OXCT1: variants seen among roughly 807,000 people sequenced by gnomAD.
The protein encoded by OXCT1 is succinyl-CoA:3-ketoacid coenzyme A transferase 1, mitochondrial.
A neutral mutation model predicts 69.6 loss-of-function variants in OXCT1; 27 were observed. The observed-to-expected ratio is 0.39, with a 90% CI of 0.29 to 0.54. The LOEUF (loss-of-function observed/expected upper bound fraction) is 0.54. Among genes scored for constraint, OXCT1 ranks in the 20% least tolerant of loss-of-function variants. OXCT1 has a pLI of 0.72. For missense variants in OXCT1, 437 were observed against 650.2 expected (o/e 0.67, Z 3.57); for synonymous variants, 202 against 217.8 (o/e 0.93, Z 0.64).
chr5:41,760,441 A>G (rs539730797), intron 14 of OXCT1, among the ~76,000 whole-genome samples: 1 of 152,116 alleles, frequency 6.6e-6, no homozygotes, highest in Non-Finnish European at 1.5e-5. Context: ...CTTTAATAAG[A>G]TATTTCTAGT....
chr5:41,757,524 C>G (rs28588578), intron 14 of OXCT1, among the ~76,000 whole-genome samples: 1,753 of 152,132 alleles, frequency 0.012, 39 homozygotes, highest in African/African-American at 0.04. Context: ...TTCCTCAGAG[C>G]CTATGATAGT....
At chr5:41,869,472 A>C (rs1750172818) in intron 1 of OXCT1, among the ~76,000 whole-genome samples, 1 of 152,112 alleles carries the variant, frequency 6.6e-6, no homozygotes, top group Non-Finnish European at 1.5e-5. Flanking sequence ...GCAAAACCAC[A>C]AGTCAGTCCA....
In OXCT1 at chr5:41,826,814, C is replaced by T. The variant is rs182025291; in HGVS notation, c.732+13637G>A. Among the ~76,000 whole-genome samples the T allele has an allele frequency of 9.9e-5, 15 of 152,236 alleles. No homozygotes were observed. In the East Asian group the frequency reaches 1.9e-3, roughly 20 times the overall value. On this transcript the variant is annotated intron_variant, in intron 7 of 16. Transcript: ENST00000196371. Reference sequence around the variant, plus strand: ...ACAATAATATATCCATCTGCACCTGCGTCACCACCATTTGAATGCCTAAGA... The same window carrying T: ...ACAATAATATATCCATCTGCACCTGTGTCACCACCATTTGAATGCCTAAGA...
intron 7 of OXCT1, among the ~76,000 whole-genome samples, chr5:41,837,251 C>G (rs1342409432): frequency 2.0e-5 from 3 of 151,490 alleles, no homozygotes; most frequent in Non-Finnish European, 4.4e-5. Context: ...AAGCTCTAAT[C>G]CAGATTCCAC....
rs1431593951 is a variant in OXCT1 at position 41,801,011 on chromosome 5, A to C, written c.1099+11T>G. ...ATAGCAAAGGGAAGGGCTAGAAATA[A>C]GTGAGCTTACCTGCATTGATGAGAT... On this transcript the variant is annotated intron_variant, in intron 11 of 16. Coordinates refer to ENST00000196371, the MANE Select transcript of OXCT1 (RefSeq NM_000436.4). The C allele has an allele frequency of 6.2e-7, 1 of 1,609,896 alleles. No individual in the cohort carries two copies. The highest frequency in any genetic ancestry group is 1.3e-5 in the African/African-American group (1 of 74,808).
intron 14 of OXCT1, among the ~76,000 whole-genome samples, chr5:41,756,361 C>T (rs1744073515): frequency 6.6e-6 from 1 of 151,972 alleles, no homozygotes; most frequent in Admixed American, 6.6e-5. Flanking sequence ...ATGGTGCTTG[C>T]CAGCAGAAAA....
chr5:41,844,406 C>A (rs182392838), intron 5 of OXCT1, among the ~76,000 whole-genome samples: 67 of 152,168 alleles, frequency 4.4e-4, no homozygotes, highest in Non-Finnish European at 7.9e-4. Context: ...TTGATCATTC[C>A]CTTCTTTTTA....
intron 7 of OXCT1, 42 bp from the exon 8 acceptor site, chr5:41,807,480 A>G (rs762847329): frequency 1.8e-6 from 2 of 1,141,688 alleles, no homozygotes; most frequent in Non-Finnish European, 2.7e-6. Flanking sequence ...TGAAAGCTTA[A>G]AGTGAACATT....
Position 41,731,276 on chromosome 5 carries a change from C to T in OXCT1, c.*453G>A, listed in dbSNP as rs954733197. The T allele has an allele frequency of 1.8e-5, 11 of 604,276 alleles. No homozygotes were observed. The African/African-American group carries it at 2.0e-4, about 11-fold the overall frequency. 37.4% of individuals were successfully genotyped at this position (604,276 alleles called of 1,614,324 possible). On this transcript the variant is annotated 3_prime_UTR_variant, in exon 17 of 17. Transcript: ENST00000196371. ...AGATGTAATCATAAAATCTGAAGCC[C>T]CAAAAGAAAAGTCAGAGGAGGCTGA...
intron 7 of OXCT1, among the ~76,000 whole-genome samples, chr5:41,823,972 G>C (rs150079520): frequency 6.6e-6 from 1 of 152,234 alleles, no homozygotes; most frequent in East Asian, 1.9e-4. Flanking sequence ...GCTACACTAA[G>C]TTAACTGAAA....
intron 14 of OXCT1, among the ~76,000 whole-genome samples, chr5:41,752,460 A>C (rs891095589): frequency 6.6e-6 from 1 of 152,098 alleles, no homozygotes; most frequent in Non-Finnish European, 1.5e-5. Context: ...CATAGCATTA[A>C]AAATGCTTTG....
intron 14 of OXCT1, among the ~76,000 whole-genome samples, chr5:41,759,091 A>G (rs77193286): frequency 1.1e-5 from 1 of 88,364 alleles, no homozygotes; most frequent in East Asian, 2.1e-4. Context: ...AGGGAAAATG[A>G]AAAAAAAAAA....
intron 13 of OXCT1, among the ~76,000 whole-genome samples, chr5:41,775,930 A>G (rs1745100845): frequency 6.6e-6 from 1 of 152,104 alleles, no homozygotes; most frequent in African/African-American, 2.4e-5. Context: ...CCCCCTCCAG[A>G]TCTTTGAGGG....
At chr5:41,822,145 A>G (rs964787705) in intron 7 of OXCT1, among the ~76,000 whole-genome samples, 3 of 152,186 alleles carry the variant, frequency 2.0e-5, no homozygotes, top group Admixed American at 6.5e-5. Context: ...CGCAGGTGAC[A>G]CGGATCTAGT....
At chr5:41,758,839 A>T (rs955164857) in intron 14 of OXCT1, among the ~76,000 whole-genome samples, 1 of 152,050 alleles carries the variant, frequency 6.6e-6, no homozygotes. Flanking sequence ...AATTACATAC[A>T]TCATAAATAC....
intron 13 of OXCT1, among the ~76,000 whole-genome samples, chr5:41,774,751 C>A (rs986569789): frequency 2.6e-5 from 4 of 151,958 alleles, no homozygotes; most frequent in African/African-American, 4.8e-5. Flanking sequence ...AAAAATTAGC[C>A]GGGCGTGGCG....
chr5:41,753,024 G>A (rs1743870358), intron 14 of OXCT1, among the ~76,000 whole-genome samples: 1 of 151,840 alleles, frequency 6.6e-6, no homozygotes, highest in African/African-American at 2.4e-5. Flanking sequence ...AAAATCCTGG[G>A]CCTAAGTTCT....
chr5:41,804,670 A>T (rs1303148611), intron 9 of OXCT1, among the ~76,000 whole-genome samples: 1 of 152,112 alleles, frequency 6.6e-6, no homozygotes, highest in African/African-American at 2.4e-5. Flanking sequence ...TTTGCACCAT[A>T]ACACAAGGTA....
intron 6 of OXCT1, among the ~76,000 whole-genome samples, chr5:41,841,776 C>T (rs530961785): frequency 6.6e-6 from 1 of 152,220 alleles, no homozygotes; most frequent in African/African-American, 2.4e-5. Context: ...AAAATTACTC[C>T]TGTTATTGCC....
Sources: gnomAD v4.1 joint callset for allele counts (sites outside exome capture counted in the v4.1 genomes callset) on GRCh38, gnomAD v4.1.1 for gene constraint, MANE v1.5 for transcripts, NCBI Gene and HGNC (gene_info 2026-07-23, HGNC 2026-07-21) for gene names.